Variants in RNF8 observed in about 807,000 individuals in gnomAD.
RNF8 encodes the protein E3 ubiquitin-protein ligase RNF8.
Under a neutral mutation model 59.3 loss-of-function variants are expected in RNF8, and 8 were observed. The ratio of observed to expected loss-of-function variants is 0.13; its 90% CI spans 0.08 to 0.24. The LOEUF (loss-of-function observed/expected upper bound fraction) is 0.24, where lower values mean the gene tolerates loss of function less well. Ranked by LOEUF, RNF8 falls within the 10% of genes least tolerant of loss-of-function variation. RNF8 has a pLI of 1.00. For missense variants in RNF8, 406 were observed against 572.6 expected (o/e 0.71, Z 2.97); for synonymous variants, 162 against 200.0 (o/e 0.81, Z 1.60).
Position 37,368,823 on chromosome 6 carries a change from G to A in RNF8, c.580G>A (p.Glu194Lys). The change falls in exon 3 of 8, where the codon GAA becomes AAA. Residue 194 changes from glutamate to lysine, a missense_variant. By Grantham distance (56) the Glu-to-Lys change is moderately conservative (BLOSUM62 1). Coordinates refer to ENST00000373479, the MANE Select transcript of RNF8 (RefSeq NM_003958.4). ...GCCAGTGAAATCACAGGGGAAAGGTGAAGTGGCCAGTACACCCTCTGACAA... is the reference window on the plus strand; with the variant it reads ...GCCAGTGAAATCACAGGGGAAAGGTAAAGTGGCCAGTACACCCTCTGACAA... ...GQPVKSQGKG[E>K]VASTPSDNLD... The A allele has an allele frequency of 6.2e-7, 1 of 1,614,168 alleles. No homozygotes were observed. The highest frequency in any genetic ancestry group is 8.5e-7 in the Non-Finnish European group (1 of 1,180,030).
intron 2 of RNF8, among the ~76,000 whole-genome samples, chr6:37,366,288 T>G (rs1769549343): frequency 6.6e-6 from 1 of 152,220 alleles, no homozygotes; most frequent in South Asian, 2.1e-4. Context: ...GGTGGCCTTC[T>G]GTGTCTTACT....
intron 2 of RNF8, among the ~76,000 whole-genome samples, chr6:37,364,293 A>G (rs914671333): frequency 6.6e-6 from 1 of 152,112 alleles, no homozygotes; most frequent in Admixed American, 6.5e-5. Context: ...GTGCTGTTAA[A>G]TCTGGATAGT....
chr6:37,370,143 G>A (rs1249777915), intron 3 of RNF8: 1 of 152,136 alleles, frequency 6.6e-6, no homozygotes, highest in Non-Finnish European at 1.5e-5. Flanking sequence ...TTTTTGTTTG[G>A]GTTGCTCAGG....
chr6:37,381,500 TTAAAGA>T lies in RNF8; in HGVS notation c.1441+150_1441+155del, dbSNP rs1309566852. The T allele has an allele frequency of 5.7e-6, 4 of 696,636 alleles. No individual in the cohort carries two copies. The East Asian group carries it at 1.1e-4, about 19-fold the overall frequency. 43.2% of individuals were successfully genotyped at this position (696,636 alleles called of 1,614,324 possible). A position where few individuals can be genotyped will look rare whatever the true frequency, so the allele number is the denominator to read the frequency against. ...AATAAATGGGGAGGAGTAAAGGGAG[TTAAAGA>T]TAATGCAGGAGAGGAAGAGTTGAGA... On this transcript the variant is annotated intron_variant, in intron 7 of 7. Coordinates refer to ENST00000373479, the MANE Select transcript of RNF8 (RefSeq NM_003958.4).
intron 7 of RNF8, 32 bp from the exon 8 acceptor site, chr6:37,390,710 C>A (rs773112525): frequency 2.6e-6 from 4 of 1,542,612 alleles, no homozygotes; most frequent in Non-Finnish European, 3.6e-6. Flanking sequence ...ACAGGCTCCT[C>A]ATTTATTTAT....
intron 2 of RNF8, among the ~76,000 whole-genome samples, chr6:37,364,275 A>G (rs953566592): frequency 6.8e-6 from 1 of 148,018 alleles, no homozygotes; most frequent in African/African-American, 2.7e-5. Context: ...ACCAGGCAAA[A>G]TTTACATGTG....
intron 1 of RNF8, 28 bp downstream of exon 1, chr6:37,354,303 G>C: frequency 2.0e-6 from 3 of 1,518,376 alleles, no homozygotes; most frequent in Non-Finnish European, 2.6e-6. Context: ...CTGTGGAGCG[G>C]AGGGCAGGGG....
Position 37,368,550 on chromosome 6 carries a change from G to A in RNF8, c.307G>A (p.Gly103Arg), listed in dbSNP as rs1202301817. The change falls in exon 3 of 8, where the codon GGA (glycine) becomes AGA (arginine). Residue 103 changes from glycine to arginine, a missense_variant. Gly to Arg is a moderately radical substitution (Grantham distance 125). Transcript: ENST00000373479. Reference protein sequence around the residue: ...EPLRVYSIHQGDYIQLGVPLE... With the variant: ...EPLRVYSIHQRDYIQLGVPLE... The stretch of plus-strand genomic sequence containing the variant: ...TTTAAGGGTCTATTCCATTCATCAG[G>A]GAGACTACATCCAACTTGGAGTGCC... The A allele has an allele frequency of 6.2e-7, 1 of 1,614,068 alleles. No individual in the cohort carries two copies. The highest frequency in any genetic ancestry group is 8.5e-7 in the Non-Finnish European group (1 of 1,179,970).
In RNF8 at chr6:37,394,152, A is replaced by C. The variant is rs553002218; in HGVS notation, c.*3394A>C. ...TAATCTAAGATCAGGAGAATCCTGGAATTGTTATCTGTCTCTTGCTCTGAG... is the reference window on the plus strand; with the variant it reads ...TAATCTAAGATCAGGAGAATCCTGGCATTGTTATCTGTCTCTTGCTCTGAG... On this transcript the variant is annotated 3_prime_UTR_variant, in exon 8 of 8. Coordinates refer to ENST00000373479, the MANE Select transcript of RNF8 (RefSeq NM_003958.4). 6.6e-6 allele frequency: 1 copy of C among 152,354 alleles called. No individual in the cohort carries two copies. The highest frequency in any genetic ancestry group is 1.5e-5 in the Non-Finnish European group (1 of 68,042). The allele number at this position is 152,354 out of a possible 1,614,324, so 9.4% of individuals were successfully genotyped here.
chr6:37,369,651 C>A (rs1259927172), intron 3 of RNF8: 1 of 161,890 alleles, frequency 6.2e-6, no homozygotes, highest in Admixed American at 5.7e-5. Flanking sequence ...CACTTAGTCT[C>A]AGGGCAGGTA....
At chr6:37,373,572 A>G (rs557427185) in intron 4 of RNF8, among the ~76,000 whole-genome samples, 2 of 151,948 alleles carry the variant, frequency 1.3e-5, no homozygotes, top group African/African-American at 4.8e-5. Context: ...ATGCCCGACA[A>G]TTTTTTTGTA....
intron 4 of RNF8, among the ~76,000 whole-genome samples, chr6:37,372,745 G>A (rs767231564): frequency 4.6e-5 from 7 of 152,194 alleles, no homozygotes; most frequent in Non-Finnish European, 8.8e-5. Flanking sequence ...CCAGGCAGGC[G>A]GATCACCAGA....
rs1770779017 is a variant in RNF8, at chr6:37,393,419, C to T, written c.*2661C>T. On this transcript the variant is annotated 3_prime_UTR_variant, in exon 8 of 8. Transcript: ENST00000373479. ...CCTTGGAGAGATATCTGATATTAAACATCATCTGCATTTTACTTGCCTAGA... is the reference window on the plus strand; with the variant it reads ...CCTTGGAGAGATATCTGATATTAAATATCATCTGCATTTTACTTGCCTAGA... 1.3e-5 allele frequency: 2 copies of T among 152,194 alleles called. No individual in the cohort carries two copies. Among genetic ancestry groups the T allele is most frequent in the South Asian group, 2.1e-4 (1 of 4,838 alleles). 9.4% of individuals were successfully genotyped at this position (152,194 alleles called of 1,614,324 possible).
intron 7 of RNF8, among the ~76,000 whole-genome samples, chr6:37,384,308 T>A (rs1433430164): frequency 6.6e-6 from 1 of 151,996 alleles, no homozygotes; most frequent in Admixed American, 6.5e-5. Flanking sequence ...GCCCAGCTCA[T>A]GTTTGCATTT....
intron 7 of RNF8, among the ~76,000 whole-genome samples, chr6:37,382,972 CAA>C (rs1236176308): frequency 3.9e-4 from 34 of 87,876 alleles, no homozygotes; most frequent in Admixed American, 7.7e-4. Flanking sequence ...GACTCTGTCT[CAA>C]AAAAAAAAAA....
chr6:37,369,068 G>A lies in RNF8; in HGVS notation c.825G>A (p.Lys275=). The A allele has an allele frequency of 6.2e-7, 1 of 1,614,224 alleles. No homozygotes were observed. The highest frequency in any genetic ancestry group is 1.1e-5 in the South Asian group (1 of 91,078). Residue 275 remains lysine (K), a synonymous_variant, in exon 3 of 8, where the codon AAG becomes AAA. Transcript: ENST00000373479. ...EKHEAVMNVK[K]QTQKGNSKKV... is the part of the protein sequence containing the mutation. ...ATGAAGCCGTTATGAATGTGAAAAA[G>A]CAGACCCAAAAGGGGAACTCAAAGA...
chr6:37,373,249 C>CCTT (rs10641884), intron 4 of RNF8, among the ~76,000 whole-genome samples: 20,355 of 152,080 alleles, frequency 0.13, 4,043 homozygotes, highest in African/African-American at 0.43. Flanking sequence ...TGGGTCCAGA[C>CCTT]CTTCACTGCC....
In RNF8 at chr6:37,356,981, C is replaced by T. The variant is rs146854014; in HGVS notation, c.111+2706C>T. On this transcript the variant is annotated intron_variant, in intron 1 of 7. Coordinates refer to ENST00000373479, the MANE Select transcript of RNF8 (RefSeq NM_003958.4). Reference sequence around the variant, plus strand: ...CTCGAACTCCTGGCCTCATGTGATCCGCCCGCCTGGGCTTCCCAAAGTGCT... The same window carrying T: ...CTCGAACTCCTGGCCTCATGTGATCTGCCCGCCTGGGCTTCCCAAAGTGCT... Among the ~76,000 whole-genome samples the T allele has an allele frequency of 1.5e-3, 221 of 152,296 alleles. 1 individual carries two copies. The highest frequency in any genetic ancestry group is 2.8e-3 in the Admixed American group (43 of 15,290).
Position 37,392,962 on chromosome 6 carries a change from A to T in RNF8, c.*2204A>T, listed in dbSNP as rs1381254867. On this transcript the variant is annotated 3_prime_UTR_variant, in exon 8 of 8. Coordinates refer to ENST00000373479, the MANE Select transcript of RNF8 (RefSeq NM_003958.4). Reference sequence around the variant, plus strand: ...AGCCATTGCACCTGGCCAAGAAGAGACATCTTGACTTGAGCCTGAAGACTA... The same window carrying T: ...AGCCATTGCACCTGGCCAAGAAGAGTCATCTTGACTTGAGCCTGAAGACTA... The T allele has an allele frequency of 9.0e-6, 2 of 221,748 alleles. No individual in the cohort carries two copies. The allele number at this position is 221,748 out of a possible 1,614,324, so 13.7% of individuals were successfully genotyped here. A position where few individuals can be genotyped will look rare whatever the true frequency, so the allele number is the denominator to read the frequency against.
Sources: gnomAD v4.1 joint callset for allele counts (sites outside exome capture counted in the v4.1 genomes callset) on GRCh38, gnomAD v4.1.1 for gene constraint, MANE v1.5 for transcripts, NCBI Gene and HGNC (gene_info 2026-07-23, HGNC 2026-07-21) for gene names.